BAZ1A: variants seen among roughly 807,000 people sequenced by gnomAD.
BAZ1A encodes the protein bromodomain adjacent to zinc finger domain protein 1A.
Under a neutral mutation model 185.2 loss-of-function variants are expected in BAZ1A, and 50 were observed. The observed-to-expected ratio is 0.27, with a 90% CI of 0.22 to 0.34. The LOEUF is 0.34. Among genes scored for constraint, BAZ1A ranks in the 10% least tolerant of loss-of-function variants. The pLI is 1.00. For synonymous variants in BAZ1A, 571 were observed against 615.6 expected, an observed-to-expected ratio of 0.93 and a Z score of 1.07; for missense variants, 1,356 against 1,839.9, an observed-to-expected ratio of 0.74 and a Z score of 4.81.
intron 2 of BAZ1A, among the ~76,000 whole-genome samples, chr14:34,872,037 T>C (rs1168996077): frequency 6.6e-6 from 1 of 152,196 alleles, no homozygotes; most frequent in Non-Finnish European, 1.5e-5. Flanking sequence ...AAATGTAACA[T>C]GATTAAATGG....
rs150561345 is a variant in BAZ1A, at chr14:34,862,277, A to G, written c.159T>C (p.Ser53=). 130 of 1,613,908 alleles carry G rather than the reference A, an allele frequency of 8.1e-5. No individual in the cohort carries two copies. Among genetic ancestry groups the G allele is most frequent in the Non-Finnish European group, 8.5e-6 (10 of 1,180,010 alleles). Residue 53 remains serine (S), a synonymous_variant, in exon 3 of 27, where the codon AGT becomes AGC. Coordinates refer to ENST00000360310, the MANE Select transcript of BAZ1A (RefSeq NM_013448.3). ...GTCCAGGTCTACCCGTCACAGCACA[A>G]CTCCACACAAGGCTGTTGCACAGAA... ...RTILCNSLVW[S]CAVTGRPGLT...
Position 34,865,255 on chromosome 14 carries a change from T to G in BAZ1A, c.114-2933A>C, listed in dbSNP as rs576708660. On this transcript the variant is annotated intron_variant, in intron 2 of 26. Coordinates refer to ENST00000360310, the MANE Select transcript of BAZ1A (RefSeq NM_013448.3). The stretch of plus-strand genomic sequence containing the variant: ...AGTGAGACTGTCTGAAAAAAAATTT[T>G]TTTATATATATGCATATGGTTATAC... Among the ~76,000 whole-genome samples, 3 of 152,202 alleles carry G rather than the reference T, an allele frequency of 2.0e-5. No individual in the cohort carries two copies. In the South Asian group the frequency reaches 6.2e-4, roughly 32 times the overall value.
At chr14:34,806,647 G>T (rs12587021) in intron 6 of BAZ1A, among the ~76,000 whole-genome samples, 41,794 of 152,074 alleles carry the variant, frequency 0.27, 6,336 homozygotes, top group Non-Finnish European at 0.36. Flanking sequence ...AGTGTGCAAT[G>T]TGAAATCTCT....
intron 12 of BAZ1A, among the ~76,000 whole-genome samples, chr14:34,786,920 T>C (rs1257252626): frequency 2.0e-5 from 3 of 152,038 alleles, no homozygotes; most frequent in Non-Finnish European, 4.4e-5. Flanking sequence ...TTTATGGATA[T>C]TTTAAGATTA....
In BAZ1A at chr14:34,802,934, G is replaced by T; in HGVS notation, c.781C>A (p.Pro261Thr). Residue 261 changes from proline to threonine, a missense_variant, in exon 7 of 27, where the codon CCT (proline) becomes ACT (threonine). By Grantham distance (38) the Pro-to-Thr change is conservative. Transcript: ENST00000360310. ...IAEQDFSYFF[P>T]DDPPTFIFSP... ...AAGATAAATGTGGGTGGATCATCAG[G>T]GAAGAAATAAGAAAAATCTTGTTCT... The T allele has an allele frequency of 6.2e-7, 1 of 1,612,834 alleles. No homozygotes were observed. Among genetic ancestry groups the T allele is most frequent in the Non-Finnish European group, 8.5e-7 (1 of 1,178,904 alleles).
intron 25 of BAZ1A, among the ~76,000 whole-genome samples, chr14:34,757,979 C>A (rs894185376): frequency 1.3e-5 from 2 of 151,164 alleles, no homozygotes; most frequent in East Asian, 4.1e-4. Context: ...GATCTCCTGA[C>A]CTCGTGATCC....
intron 12 of BAZ1A, among the ~76,000 whole-genome samples, chr14:34,791,729 C>T (rs1880860270): frequency 6.6e-6 from 1 of 152,210 alleles, no homozygotes; most frequent in Non-Finnish European, 1.5e-5. Context: ...GCAACACACT[C>T]AAGTATTGTT....
chr14:34,787,534 T>G (rs1880560260), intron 12 of BAZ1A, among the ~76,000 whole-genome samples: 1 of 150,840 alleles, frequency 6.6e-6, no homozygotes, highest in Admixed American at 6.6e-5. Flanking sequence ...AGTACAAAAA[T>G]TAGCTGGGCG....
intron 21 of BAZ1A, among the ~76,000 whole-genome samples, chr14:34,766,102 C>T (rs1467668142): frequency 6.6e-6 from 1 of 152,248 alleles, no homozygotes; most frequent in Middle Eastern, 3.4e-3. Flanking sequence ...CTGGCTCCCC[C>T]ATATGAACTT....
intron 4 of BAZ1A, among the ~76,000 whole-genome samples, chr14:34,820,300 G>C (rs1452754938): frequency 1.3e-5 from 2 of 151,582 alleles, no homozygotes; most frequent in African/African-American, 4.8e-5. Context: ...TGATTTTTTT[G>C]TGTGGTTTTT....
At chr14:34,802,781 C>G in intron 7 of BAZ1A, 73 bp downstream of exon 7, 1 of 1,482,178 alleles carries the variant, frequency 6.7e-7, no homozygotes, top group African/African-American at 1.4e-5. Context: ...TGAGGGGAGA[C>G]AAACATACTT....
intron 24 of BAZ1A, 29 bp from the exon 25 acceptor site, chr14:34,758,875 G>T: frequency 6.2e-7 from 1 of 1,606,240 alleles, no homozygotes. Context: ...CATTTTAGGT[G>T]ATAACAAAGC....
intron 3 of BAZ1A, chr14:34,828,602 A>C (rs1421427921): frequency 1.3e-5 from 2 of 152,310 alleles, no homozygotes; most frequent in African/African-American, 4.8e-5. Context: ...TCTCAACATC[A>C]AATGTCCATA....
intron 4 of BAZ1A, among the ~76,000 whole-genome samples, chr14:34,822,496 T>A (rs943420169): frequency 2.5e-4 from 38 of 151,938 alleles, no homozygotes; most frequent in African/African-American, 9.2e-4. Context: ...ATGGGTGGTG[T>A]GCACCTGTAG....
rs1387461077 is a variant in BAZ1A, at chr14:34,753,643, G to T, written c.4536C>A (p.Asn1512Lys). The change falls in exon 27 of 27, where the codon AAC (asparagine) becomes AAA (lysine). Residue 1512 changes from asparagine to lysine, a missense_variant. Transcript: ENST00000360310. ...TAGTTCCAGCTTTTGCTTCACTTGT[G>T]TTACGAGGGTTGTATTCAAAGCAGT... Reference protein sequence around the residue: ...FSNCFEYNPRNTSEAKAGTRL... With the variant: ...FSNCFEYNPRKTSEAKAGTRL... 6.2e-7 allele frequency: 1 copy of T among 1,613,574 alleles called. No individual in the cohort carries two copies. The highest frequency in any genetic ancestry group is 8.5e-7 in the Non-Finnish European group (1 of 1,179,688).
At chr14:34,808,097 A>G (rs1377248096) in intron 5 of BAZ1A, among the ~76,000 whole-genome samples, 2 of 151,988 alleles carry the variant, frequency 1.3e-5, no homozygotes, top group African/African-American at 4.8e-5. Context: ...CTCTGTCTCA[A>G]AAAAAAAGAA....
intron 26 of BAZ1A, among the ~76,000 whole-genome samples, 163 bp downstream of exon 26, chr14:34,754,664 C>T (rs1886165464): frequency 6.6e-6 from 1 of 151,606 alleles, no homozygotes; most frequent in African/African-American, 2.4e-5. Flanking sequence ...CTAATAAGTA[C>T]TTGTGGAACC....
chr14:34,864,074 C>T (rs1005443097), intron 2 of BAZ1A, among the ~76,000 whole-genome samples: 3 of 152,130 alleles, frequency 2.0e-5, no homozygotes, highest in African/African-American at 7.2e-5. Flanking sequence ...CTTCCCACTT[C>T]AGCCTCCCAA....
intron 8 of BAZ1A, 118 bp from the exon 9 acceptor site, chr14:34,800,508 C>G (rs565736722): frequency 3.3e-5 from 27 of 825,644 alleles, no homozygotes; most frequent in Admixed American, 9.5e-5. Context: ...TTAGTAGAGA[C>G]TCTTAAAATT....
Sources: allele counts gnomAD v4.1 joint callset (sites outside exome capture counted in the v4.1 genomes callset), GRCh38; gene constraint gnomAD v4.1.1; transcripts MANE v1.5; gene names NCBI Gene and HGNC (gene_info 2026-07-23, HGNC 2026-07-21).